The following ENPP3 variants were observed in gnomAD, a reference collection of about 807,000 sequenced individuals.
The protein encoded by ENPP3 is ectonucleotide pyrophosphatase/phosphodiesterase 3.
In ENPP3, 104 loss-of-function variants were observed where a neutral mutation model predicts 117.8. That is an observed-to-expected ratio of 0.88 (90% CI 0.75 to 1.04). ENPP3 has a LOEUF of 1.04. Among genes scored for constraint, ENPP3 ranks in the 50% least tolerant of loss-of-function variants. The pLI is 0.00. For missense variants in ENPP3, 1,026 were observed against 1,051.9 expected (o/e 0.98, Z 0.34); for synonymous variants, 380 against 349.9 (o/e 1.09, Z -0.96).
chr6:131,642,308 G>A (rs1256242284), intron 2 of ENPP3, among the ~76,000 whole-genome samples: 5 of 152,068 alleles, frequency 3.3e-5, no homozygotes, highest in African/African-American at 1.2e-4. Context: ...TGATTGGACA[G>A]TGCCAAATTC....
chr6:131,672,587 C>T (rs1273924623), intron 7 of ENPP3, among the ~76,000 whole-genome samples: 1 of 151,836 alleles, frequency 6.6e-6, no homozygotes, highest in Non-Finnish European at 1.5e-5. Context: ...TTCCTAGGAG[C>T]AATGGTTCAG....
At chr6:131,717,806 A>G (rs1217155540) in intron 15 of ENPP3, among the ~76,000 whole-genome samples, 1 of 152,204 alleles carries the variant, frequency 6.6e-6, no homozygotes, top group Non-Finnish European at 1.5e-5. Flanking sequence ...TTTGGCCAAC[A>G]ATGAACTGCT....
chr6:131,669,580 C>A (rs965065010), intron 6 of ENPP3, among the ~76,000 whole-genome samples: 2 of 136,684 alleles, frequency 1.5e-5, no homozygotes, highest in Admixed American at 8.3e-5. Flanking sequence ...AGGCTGAACT[C>A]AGGAGGCAGA....
chr6:131,706,557 G>A (rs1316841366), intron 15 of ENPP3, among the ~76,000 whole-genome samples: 6 of 151,530 alleles, frequency 4.0e-5, no homozygotes, highest in Admixed American at 2.6e-4. Flanking sequence ...TAAACAACAC[G>A]TGATTGTATA....
intron 24 of ENPP3, among the ~76,000 whole-genome samples, chr6:131,741,325 C>T (rs1041053128): frequency 6.6e-6 from 1 of 152,098 alleles, no homozygotes; most frequent in African/African-American, 2.4e-5. Context: ...AGTTCATATA[C>T]AACTTCAGTT....
Position 131,660,616 on chromosome 6 carries a change from A to AG in ENPP3, c.562+2200dup, listed in dbSNP as rs201171415. Among the ~76,000 whole-genome samples, 21 of 152,356 alleles carry AG rather than the reference A, an allele frequency of 1.4e-4. No homozygotes were observed. In the East Asian group the frequency reaches 4.0e-3, roughly 29 times the overall value. On this transcript the variant is annotated intron_variant, in intron 6 of 24. Coordinates refer to ENST00000357639, the MANE Select transcript of ENPP3 (RefSeq NM_005021.5). ...AGCAGGTAGACAGCAGAGATCCAGC[A>AG]GGGGACATATGCAGAGTTTTAGAGA...
intron 2 of ENPP3, among the ~76,000 whole-genome samples, chr6:131,646,516 C>T (rs1778156282): frequency 6.6e-6 from 1 of 152,004 alleles, no homozygotes; most frequent in South Asian, 2.1e-4. Context: ...GTGATGAAAG[C>T]CACTCCTTAT....
At chr6:131,664,278 G>T (rs1468434869) in intron 6 of ENPP3, among the ~76,000 whole-genome samples, 1 of 151,998 alleles carries the variant, frequency 6.6e-6, no homozygotes. Flanking sequence ...GTGTGAGTTT[G>T]TATCTTAGTT....
intron 2 of ENPP3, among the ~76,000 whole-genome samples, chr6:131,642,358 T>C (rs1048848601): frequency 3.3e-5 from 5 of 152,128 alleles, no homozygotes; most frequent in African/African-American, 1.2e-4. Context: ...AAAATTTTTT[T>C]CTTATAAGAA....
At chr6:131,744,435 G>A (rs1437083597) in intron 24 of ENPP3, among the ~76,000 whole-genome samples, 2 of 152,210 alleles carry the variant, frequency 1.3e-5, no homozygotes, top group African/African-American at 2.4e-5. Context: ...TGCCAAAGGG[G>A]AGAAAGTGGA....
At chr6:131,725,327 T>C (rs1368580047) in intron 19 of ENPP3, among the ~76,000 whole-genome samples, 1 of 152,200 alleles carries the variant, frequency 6.6e-6, no homozygotes, top group East Asian at 1.9e-4. Context: ...CTTCTCATAG[T>C]TCTGGAGGCT....
intron 14 of ENPP3, among the ~76,000 whole-genome samples, chr6:131,691,355 G>T (rs563635303): frequency 1.3e-5 from 2 of 152,070 alleles, no homozygotes; most frequent in Admixed American, 1.3e-4. Flanking sequence ...TTGGGAGGCC[G>T]AGGCGGGCGG....
intron 14 of ENPP3, among the ~76,000 whole-genome samples, chr6:131,692,265 T>G (rs1218630685): frequency 1.3e-5 from 2 of 152,152 alleles, no homozygotes; most frequent in Non-Finnish European, 2.9e-5. Flanking sequence ...CTATTTCTCA[T>G]TACCTCATTT....
chr6:131,688,328 A>G (rs1420453658), intron 14 of ENPP3, among the ~76,000 whole-genome samples: 2 of 152,190 alleles, frequency 1.3e-5, no homozygotes, highest in African/African-American at 2.4e-5. Flanking sequence ...CCAATTAGTA[A>G]TGCTACAATG....
intron 1 of ENPP3, among the ~76,000 whole-genome samples, chr6:131,638,136 C>T (rs867595510): frequency 1.8e-4 from 27 of 152,012 alleles, no homozygotes; most frequent in Non-Finnish European, 3.1e-4. Context: ...TTCCTTTGTG[C>T]TCTGGCTTTG....
rs371737976 is a variant in ENPP3 at position 131,639,265 on chromosome 6, A to ATATATTTT, written c.78+1804_78+1805insATATTTTT. On this transcript the variant is annotated intron_variant, in intron 1 of 24. Coordinates refer to ENST00000357639, the MANE Select transcript of ENPP3 (RefSeq NM_005021.5). ...TATGCTAATATATATATATATATAT[A>ATATATTTT]TTTTTTTTTTTTTCTCTCTCTCTTT... 7.8e-3 allele frequency among the ~76,000 whole-genome samples: 831 copies of ATATATTTT among 107,124 alleles called. 7 individuals are homozygous for ATATATTTT. The highest frequency in any genetic ancestry group is 0.023 in the African/African-American group (573 of 25,388). 70.3% of individuals were successfully genotyped at this position (107,124 alleles called of 152,430 possible).
At chr6:131,669,389 T>C (rs1778690400) in intron 6 of ENPP3, among the ~76,000 whole-genome samples, 1 of 152,008 alleles carries the variant, frequency 6.6e-6, no homozygotes, top group Non-Finnish European at 1.5e-5. Context: ...ATGTAAATTT[T>C]TAGCCAGGCA....
chr6:131,738,641 T>C (rs1780455471), intron 23 of ENPP3, among the ~76,000 whole-genome samples: 1 of 152,180 alleles, frequency 6.6e-6, no homozygotes, highest in Admixed American at 6.6e-5. Flanking sequence ...GTAAATTTCA[T>C]GCAGAGAACT....
chr6:131,675,804 T>C (rs950124096), intron 9 of ENPP3, among the ~76,000 whole-genome samples: 1 of 152,146 alleles, frequency 6.6e-6, no homozygotes, highest in Non-Finnish European at 1.5e-5. Flanking sequence ...GCTCCTGCAG[T>C]GTAGTCCAGC....
Sources: gnomAD v4.1 joint callset for allele counts (sites outside exome capture counted in the v4.1 genomes callset) on GRCh38, gnomAD v4.1.1 for gene constraint, MANE v1.5 for transcripts, NCBI Gene and HGNC (gene_info 2026-07-23, HGNC 2026-07-21) for gene names.